The following ETNK1 variants were observed in gnomAD, a reference collection of about 807,000 sequenced individuals.
ETNK1 encodes ethanolamine kinase 1.
ETNK1 carries 8 observed loss-of-function variants against 45.1 expected under a neutral mutation model. The observed-to-expected ratio is 0.18, with a 90% CI of 0.10 to 0.32. The LOEUF is 0.32. Ranked by LOEUF, ETNK1 falls within the 10% of genes least tolerant of loss-of-function variation. The pLI is 1.00. For missense variants in ETNK1, 302 were observed against 430.6 expected (o/e 0.70, Z 2.64); for synonymous variants, 152 against 151.9 (o/e 1.00, Z -0.01).
intron 1 of ETNK1, among the ~76,000 whole-genome samples, chr12:22,629,444 G>C (rs1953546496): frequency 6.6e-6 from 1 of 152,102 alleles, no homozygotes; most frequent in Admixed American, 6.5e-5. Context: ...CTACACAGCA[G>C]TTTTCATATC....
intron 2 of ETNK1, 192 bp downstream of exon 2, chr12:22,644,214 A>G: frequency 6.3e-7 from 1 of 1,598,334 alleles, no homozygotes; most frequent in Non-Finnish European, 8.5e-7. Context: ...TTTGCAGTTT[A>G]TCATCGTTGA....
intron 4 of ETNK1, among the ~76,000 whole-genome samples, chr12:22,670,543 A>G (rs1338405071): frequency 6.6e-6 from 1 of 152,178 alleles, no homozygotes; most frequent in Non-Finnish European, 1.5e-5. Context: ...TGACATGCCT[A>G]TATATGTAGC....
At position 22,625,407 on chromosome 12, in the gene ETNK1, G is replaced by A; in HGVS notation, c.-24G>A. On this transcript the variant is annotated 5_prime_UTR_variant, in exon 1 of 8. Coordinates refer to ENST00000266517, the MANE Select transcript of ETNK1 (RefSeq NM_018638.5). ...GGTCGCCGTCGCCGTCGTCGTGGTG[G>A]TAGTCTCCGCCGTCGCCTGGGCCAT... The A allele has an allele frequency of 6.4e-7, 1 of 1,568,940 alleles. No homozygotes were observed.
In ETNK1 at chr12:22,625,353, A is replaced by G. The variant is rs1565858898; in HGVS notation, c.-78A>G. 1 of 1,557,854 alleles carries G rather than the reference A, an allele frequency of 6.4e-7. No individual in the cohort carries two copies. The highest frequency in any genetic ancestry group is 8.6e-7 in the Non-Finnish European group (1 of 1,156,462). Reference sequence around the variant, plus strand: ...AGGGCGCCCCGGGACGGAAGGATCCACCAGTCTGTCGGCGCCCGCCGTTCT... The same window carrying G: ...AGGGCGCCCCGGGACGGAAGGATCCGCCAGTCTGTCGGCGCCCGCCGTTCT... On this transcript the variant is annotated 5_prime_UTR_variant, in exon 1 of 8. Coordinates refer to ENST00000266517, the MANE Select transcript of ETNK1 (RefSeq NM_018638.5).
rs916924570 is a variant in ETNK1, at chr12:22,688,403, GAA to G, written c.*3455_*3456del. On this transcript the variant is annotated 3_prime_UTR_variant, in exon 8 of 8. Coordinates refer to ENST00000266517, the MANE Select transcript of ETNK1 (RefSeq NM_018638.5). ...TGTTACTACAGCTTCCAGATTTAAA[GAA>G]AAAAAGTTTCCCCCACTCTCAATTA... 11 of 151,642 alleles carry G rather than the reference GAA, an allele frequency of 7.3e-5. 1 individual carries two copies. In the South Asian group the frequency reaches 8.3e-4, roughly 11 times the overall value. 9.4% of individuals were successfully genotyped at this position (151,642 alleles called of 1,614,324 possible). A position where few individuals can be genotyped will look rare whatever the true frequency, so the allele number is the denominator to read the frequency against.
At chr12:22,678,935 G>T (rs1315410198) in intron 6 of ETNK1, among the ~76,000 whole-genome samples, 1 of 152,222 alleles carries the variant, frequency 6.6e-6, no homozygotes, top group African/African-American at 2.4e-5. Context: ...ACTAGTTAAG[G>T]TCAGTTACTC....
intron 4 of ETNK1, among the ~76,000 whole-genome samples, chr12:22,669,858 C>T (rs1235682515): frequency 4.0e-5 from 6 of 151,762 alleles, no homozygotes; most frequent in South Asian, 2.1e-4. Flanking sequence ...GTTGAATTGC[C>T]GTGATTTATT....
chr12:22,677,565 A>G (rs1208768520), intron 6 of ETNK1, among the ~76,000 whole-genome samples: 2 of 152,240 alleles, frequency 1.3e-5, no homozygotes, highest in East Asian at 1.9e-4. Flanking sequence ...TGGAAGCTTG[A>G]TGGGAATAGC....
In ETNK1 at chr12:22,671,372, A is replaced by G. The variant is rs781327510; in HGVS notation, c.784+17A>G. ...AATTTGCAGGTATAACTAATGGAGTAACTTATTTAGCTTTGAAACGATATT... is the reference window on the plus strand; with the variant it reads ...AATTTGCAGGTATAACTAATGGAGTGACTTATTTAGCTTTGAAACGATATT... On this transcript the variant is annotated intron_variant, in intron 5 of 7. Coordinates refer to ENST00000266517, the MANE Select transcript of ETNK1 (RefSeq NM_018638.5). 1 of 1,426,000 alleles carries G rather than the reference A, an allele frequency of 7.0e-7. No individual in the cohort carries two copies. Among genetic ancestry groups the G allele is most frequent in the Non-Finnish European group, 9.9e-7 (1 of 1,010,984 alleles). 88.3% of individuals were successfully genotyped at this position (1,426,000 alleles called of 1,614,324 possible). A position where few individuals can be genotyped will look rare whatever the true frequency, so the allele number is the denominator to read the frequency against.
chr12:22,660,889 TTAC>T (rs1314024516), intron 3 of ETNK1, among the ~76,000 whole-genome samples, 171 bp from the exon 4 acceptor site: 3 of 152,168 alleles, frequency 2.0e-5, no homozygotes, highest in African/African-American at 7.2e-5. Context: ...ATGTCTAAAC[TTAC>T]TATATAGGTT....
Position 22,670,997 on chromosome 12 carries a change from C to G in ETNK1, c.701-275C>G, listed in dbSNP as rs1954102022. On this transcript the variant is annotated intron_variant, in intron 4 of 7. Transcript: ENST00000266517. ...TGGCAAAGGATTTATTTTGCTTTTG[C>G]TTAAACTTGGAGAATGACTGTCTTT... The G allele has an allele frequency of 9.4e-5, 29 of 307,514 alleles. No homozygotes were observed. In the South Asian group the frequency reaches 1.5e-3, roughly 16 times the overall value. 19.0% of individuals were successfully genotyped at this position (307,514 alleles called of 1,614,324 possible).
At chr12:22,683,694 C>T (rs1031182518) in intron 6 of ETNK1, among the ~76,000 whole-genome samples, 6 of 152,040 alleles carry the variant, frequency 3.9e-5, no homozygotes, top group African/African-American at 1.2e-4. Context: ...ATACCAAGGT[C>T]ATGGCTGTTG....
chr12:22,675,135 CA>C, intron 6 of ETNK1, among the ~76,000 whole-genome samples: 1 of 152,232 alleles, frequency 6.6e-6, no homozygotes, highest in Middle Eastern at 3.4e-3. Context: ...GTGATGTGAT[CA>C]CAGCTCATTG....
intron 2 of ETNK1, among the ~76,000 whole-genome samples, chr12:22,647,567 C>T (rs1477082254): frequency 6.6e-6 from 1 of 151,712 alleles, no homozygotes; most frequent in African/African-American, 2.4e-5. Context: ...CTAATACATG[C>T]AAAATGGCTG....
chr12:22,626,746 A>T (rs532054232), intron 1 of ETNK1, among the ~76,000 whole-genome samples: 15 of 152,352 alleles, frequency 9.8e-5, no homozygotes, highest in African/African-American at 3.4e-4. Context: ...GTTTTGGAGA[A>T]GAAACTTGTT....
At chr12:22,654,561 T>A (rs1953916466) in intron 2 of ETNK1, among the ~76,000 whole-genome samples, 1 of 152,224 alleles carries the variant, frequency 6.6e-6, no homozygotes, top group Non-Finnish European at 1.5e-5. Flanking sequence ...ATTCCAGGTC[T>A]GTTGCTAAGA....
At chr12:22,645,171 C>T (rs1487958562) in intron 2 of ETNK1, among the ~76,000 whole-genome samples, 4 of 151,650 alleles carry the variant, frequency 2.6e-5, no homozygotes, top group African/African-American at 7.3e-5. Flanking sequence ...TTTATAAATC[C>T]TCAATCTTGT....
chr12:22,650,166 T>G (rs1177196938), intron 2 of ETNK1, among the ~76,000 whole-genome samples: 1 of 152,074 alleles, frequency 6.6e-6, no homozygotes, highest in Admixed American at 6.6e-5. Context: ...TTGCTATAAT[T>G]GCTCATTCCG....
intron 6 of ETNK1, among the ~76,000 whole-genome samples, chr12:22,680,529 A>T (rs913577046): frequency 5.9e-5 from 9 of 152,152 alleles, no homozygotes; most frequent in African/African-American, 2.2e-4. Context: ...ATGATGTTGC[A>T]TGTCTGTGTA....
Sources: gnomAD v4.1 joint callset for allele counts (sites outside exome capture counted in the v4.1 genomes callset) on GRCh38, gnomAD v4.1.1 for gene constraint, MANE v1.5 for transcripts, NCBI Gene and HGNC (gene_info 2026-07-23, HGNC 2026-07-21) for gene names.